The following GLOD5 variants were observed in gnomAD, a reference collection of about 807,000 sequenced individuals.
The protein encoded by GLOD5 is glyoxalase domain-containing protein 5.
A neutral mutation model predicts 9.9 loss-of-function variants in GLOD5; 7 were observed. The ratio of observed to expected loss-of-function variants is 0.71; its 90% CI spans 0.40 to 1.33. The LOEUF (loss-of-function observed/expected upper bound fraction) is 1.33. Among genes scored for constraint, GLOD5 ranks in the 40% most tolerant of loss-of-function variants. The pLI is 0.01. For missense variants in GLOD5, 146 were observed against 128.4 expected (o/e 1.14, Z -0.66); for synonymous variants, 49 against 47.3 (o/e 1.04, Z -0.14).
chrX:48,770,824 T>C, intron 2 of GLOD5, 103 bp from the exon 3 acceptor site: 1 of 661,111 alleles, frequency 1.5e-6, no homozygotes, highest in South Asian at 4.0e-5. Flanking sequence ...TTCTAGTTTT[T>C]ATTTTTTTTA....
At chrX:48,767,726 T>C (rs2062612906) in intron 2 of GLOD5, among the ~76,000 whole-genome samples, 1 of 110,675 alleles carries the variant, frequency 9.0e-6, no homozygotes, top group African/African-American at 3.3e-5. Context: ...ATAAATTAAT[T>C]AAATAAAATA....
chrX:48,770,860 C>T (rs2062620459), intron 2 of GLOD5, 67 bp from the exon 3 acceptor site: 1 of 864,716 alleles, frequency 1.2e-6, no homozygotes, highest in Non-Finnish European at 1.6e-6. Context: ...GGTGGAAAGG[C>T]TTCATCTCAC....
rs1557016628 is a variant in GLOD5 at position 48,765,858 on chromosome X, C to A, written c.87C>A (p.Thr29=). The change falls in exon 2 of 4, where the codon ACC becomes ACA. Residue 29 remains threonine (T), a synonymous_variant. Transcript: ENST00000303227. The part of the protein sequence containing the change: ...EKQSWRDSSQ[T]PPPCLIRRLD... ...AGTCATGGAGGGACAGCAGTCAGAC[C>A]CCTCCCCCATGTCTTATCCGTAGAC... 1 of 1,191,494 alleles carries A rather than the reference C, an allele frequency of 8.4e-7. No homozygotes were observed. Among genetic ancestry groups the A allele is most frequent in the Non-Finnish European group, 1.1e-6 (1 of 885,600 alleles).
At chrX:48,769,469 C>T (rs971512577) in intron 2 of GLOD5, among the ~76,000 whole-genome samples, 1 of 109,825 alleles carries the variant, frequency 9.1e-6, no homozygotes, top group Non-Finnish European at 1.9e-5. Flanking sequence ...TGCAGTGAGC[C>T]GTGATTGCAC....
chrX:48,770,752 G>A (rs1367180341), intron 2 of GLOD5, among the ~76,000 whole-genome samples, 175 bp from the exon 3 acceptor site: 5 of 111,881 alleles, frequency 4.5e-5, no homozygotes, highest in East Asian at 2.8e-4. Flanking sequence ...AAATAAACTC[G>A]TACACTTGCC....
chrX:48,768,901 G>A (rs1290759594), intron 2 of GLOD5, among the ~76,000 whole-genome samples: 4 of 109,030 alleles, frequency 3.7e-5, no homozygotes, highest in East Asian at 5.8e-4. Flanking sequence ...ATGGTGGCTC[G>A]CGCCTGTAGT....
chrX:48,773,557 G>C lies in GLOD5; in HGVS notation c.*122G>C. On this transcript the variant is annotated 3_prime_UTR_variant, in exon 4 of 4. Transcript: ENST00000303227. ...AGGACTTAGGCACTTCACACATCCT[G>C]CTGAGGGGGGACCCAAGACAGGTTT... 2 of 781,040 alleles carry C rather than the reference G, an allele frequency of 2.6e-6. No individual in the cohort carries two copies. Among genetic ancestry groups the C allele is most frequent in the Non-Finnish European group, 3.7e-6 (2 of 544,228 alleles). 64.4% of individuals were successfully genotyped at this position (781,040 alleles called of 1,213,427 possible).
chrX:48,771,132 A>G (rs1433015121), intron 3 of GLOD5, 50 bp downstream of exon 3: 3 of 1,021,500 alleles, frequency 2.9e-6, no homozygotes, highest in Non-Finnish European at 3.9e-6. Context: ...AACGCAGTGA[A>G]AACAGAAGAA....
chrX:48,771,084 T>G lies in GLOD5; in HGVS notation c.357+2T>G. On this transcript the variant is annotated splice_donor_variant, in intron 3 of 3. Coordinates refer to ENST00000303227, the MANE Select transcript of GLOD5 (RefSeq NM_001080489.3). LOFTEE classifies it high-confidence loss of function. ...GAGGAAATGATCCAGCACCTCAAGG[T>G]GAGTGGGACTTCTCTTCTTTTTGCA... is the stretch of plus-strand genomic sequence containing the variant. 1 of 1,158,009 alleles carries G rather than the reference T, an allele frequency of 8.6e-7. No individual in the cohort carries two copies. The highest frequency in any genetic ancestry group is 1.1e-6 in the Non-Finnish European group (1 of 871,004).
chrX:48,772,062 C>A (rs934850092), intron 3 of GLOD5, among the ~76,000 whole-genome samples: 4 of 109,802 alleles, frequency 3.6e-5, no homozygotes, highest in African/African-American at 1.3e-4. Flanking sequence ...ATAGTGAGAT[C>A]CCATCTCTTA....
chrX:48,763,208 A>G (rs943542675), intron 1 of GLOD5, among the ~76,000 whole-genome samples: 1 of 112,312 alleles, frequency 8.9e-6, no homozygotes, highest in Non-Finnish European at 1.9e-5. Flanking sequence ...ATAACAGCAG[A>G]AACTGGTGAA....
intron 3 of GLOD5, among the ~76,000 whole-genome samples, chrX:48,771,658 T>C (rs2062622612): frequency 9.0e-6 from 1 of 111,521 alleles, no homozygotes. Context: ...TCCAAGTACA[T>C]GAAAAACCCA....
rs782163002 is a variant in GLOD5 at position 48,773,534 on chromosome X, G to GACTT, written c.*101_*104dup. ...GGCCCAGAGATCTCCAAAGACTGAG[G>GACTT]ACTTAGGCACTTCACACATCCTGCT... On this transcript the variant is annotated 3_prime_UTR_variant, in exon 4 of 4. Transcript: ENST00000303227. The GACTT allele has an allele frequency of 5.4e-5, 52 of 963,587 alleles. 1 individual carries two copies. In the South Asian group the frequency reaches 1.1e-3, roughly 20 times the overall value. The allele number at this position is 963,587 out of a possible 1,213,427, so 79.4% of individuals were successfully genotyped here.
chrX:48,773,606 T>C lies in GLOD5; in HGVS notation c.*171T>C. 6.3e-6 allele frequency: 3 copies of C among 478,108 alleles called. No individual in the cohort carries two copies. Among genetic ancestry groups the C allele is most frequent in the Non-Finnish European group, 1.0e-5 (3 of 286,243 alleles). 39.4% of individuals were successfully genotyped at this position (478,108 alleles called of 1,213,427 possible). ...TTGGGACCAAACCTACATGTCTGTA[T>C]GTCATCAAAGTTGGCCTAATAAATG... On this transcript the variant is annotated 3_prime_UTR_variant, in exon 4 of 4. Coordinates refer to ENST00000303227, the MANE Select transcript of GLOD5 (RefSeq NM_001080489.3).
chrX:48,764,815 G>GATT (rs1557016395), intron 1 of GLOD5, among the ~76,000 whole-genome samples: 2 of 111,385 alleles, frequency 1.8e-5, no homozygotes, highest in East Asian at 5.6e-4. Flanking sequence ...AAAGTGCTGA[G>GATT]ATTACAGGTG....
At chrX:48,767,138 C>T (rs1382635840) in intron 2 of GLOD5, among the ~76,000 whole-genome samples, 2 of 106,351 alleles carry the variant, frequency 1.9e-5, no homozygotes, top group African/African-American at 3.4e-5. Context: ...TAAGAAAGAC[C>T]CCAGGAAAGA....
rs1557016656 is a variant in GLOD5 at position 48,765,958 on chromosome X, G to A, written c.187G>A (p.Val63Ile). Residue 63 changes from valine to isoleucine, a missense_variant, in exon 2 of 4, where the codon GTC becomes ATC. Physicochemically the swap from Val to Ile is conservative, Grantham distance 29. Transcript: ENST00000303227. ...TTATTCCAAGATCCTGGGCATGGAG[G>A]TCATGACTTTTAAGGTAAGCACTTC... ...MFYSKILGME[V>I]MTFKEDRKAL... The A allele has an allele frequency of 4.1e-6, 5 of 1,207,498 alleles. No homozygotes were observed. Among genetic ancestry groups the A allele is most frequent in the Non-Finnish European group, 5.6e-6 (5 of 893,207 alleles).
intron 3 of GLOD5, among the ~76,000 whole-genome samples, chrX:48,772,518 G>A (rs2062625092): frequency 1.8e-5 from 2 of 111,452 alleles, no homozygotes; most frequent in Non-Finnish European, 1.9e-5. Flanking sequence ...TAGTCAGTGT[G>A]ACAGAGCAAG....
chrX:48,767,688 C>T (rs1160173561), intron 2 of GLOD5, among the ~76,000 whole-genome samples: 4 of 110,781 alleles, frequency 3.6e-5, no homozygotes, highest in East Asian at 5.6e-4. Context: ...CCAGCCTGGG[C>T]GACAGAGCAA....
Sources: allele counts gnomAD v4.1 joint callset (sites outside exome capture counted in the v4.1 genomes callset), GRCh38; gene constraint gnomAD v4.1.1; transcripts MANE v1.5; gene names NCBI Gene and HGNC (gene_info 2026-07-23, HGNC 2026-07-21).